Variants in MGAT4C observed in about 807,000 individuals in gnomAD.
MGAT4C encodes the protein MGAT4 family member C.
MGAT4C carries 19 observed loss-of-function variants against 40.1 expected under a neutral mutation model. That is an observed-to-expected ratio of 0.47 (90% CI 0.33 to 0.70). The LOEUF is 0.70. Ranked by LOEUF, MGAT4C falls within the 30% of genes least tolerant of loss-of-function variation. The probability of loss-of-function intolerance (pLI) is 0.02; values close to 1 mark genes in which losing one functional copy is unlikely to be tolerated. For missense variants in MGAT4C, 491 were observed against 563.2 expected (o/e 0.87, Z 1.30); for synonymous variants, 181 against 187.1 (o/e 0.97, Z 0.27).
At chr12:86,023,923 C>T (rs1193129754) in intron 2 of MGAT4C, among the ~76,000 whole-genome samples, 1 of 151,622 alleles carries the variant, frequency 6.6e-6, no homozygotes, top group East Asian at 1.9e-4. Flanking sequence ...TCTTCCTGAA[C>T]AAGCATAATA....
At chr12:86,592,364 TA>T (rs1321512581) in intron 2 of MGAT4C, among the ~76,000 whole-genome samples, 2 of 152,158 alleles carry the variant, frequency 1.3e-5, no homozygotes, top group Non-Finnish European at 2.9e-5. Context: ...GACTCAGTAC[TA>T]GAATGAGTAT....
intron 2 of MGAT4C, among the ~76,000 whole-genome samples, chr12:86,592,460 G>A (rs1394902780): frequency 6.6e-6 from 1 of 151,888 alleles, no homozygotes; most frequent in East Asian, 1.9e-4. Context: ...TGGTAAAAAC[G>A]TTAAGTTTCA....
chr12:86,365,682 G>GTT (rs568722124), intron 3 of MGAT4C, among the ~76,000 whole-genome samples: 13 of 135,780 alleles, frequency 9.6e-5, no homozygotes, highest in Admixed American at 2.3e-4. Flanking sequence ...TTTCCCCACT[G>GTT]TTTTTTTTTT....
At chr12:86,734,861 G>T (rs527586366) in intron 1 of MGAT4C, among the ~76,000 whole-genome samples, 2 of 152,204 alleles carry the variant, frequency 1.3e-5, no homozygotes, top group African/African-American at 2.4e-5. Flanking sequence ...GTAGCAAAAA[G>T]ATTATGTAGT....
intron 1 of MGAT4C, among the ~76,000 whole-genome samples, chr12:86,732,423 T>C (rs1254164964): frequency 6.6e-6 from 1 of 152,120 alleles, no homozygotes; most frequent in Non-Finnish European, 1.5e-5. Flanking sequence ...ATGAAATAAT[T>C]ATGTAACTCA....
intron 1 of MGAT4C, among the ~76,000 whole-genome samples, chr12:86,085,208 T>C (rs1178067359): frequency 1.3e-5 from 2 of 152,134 alleles, no homozygotes; most frequent in Non-Finnish European, 2.9e-5. Context: ...TTTAGTTTAA[T>C]TAGATCCCAT....
chr12:86,812,646 T>C (rs1490048636), intron 1 of MGAT4C, among the ~76,000 whole-genome samples: 2 of 152,154 alleles, frequency 1.3e-5, no homozygotes, highest in Admixed American at 1.3e-4. Flanking sequence ...TTATCTTTAA[T>C]GTTTTAAATA....
chr12:86,783,299 A>G (rs1951874824), intron 1 of MGAT4C, among the ~76,000 whole-genome samples: 2 of 152,204 alleles, frequency 1.3e-5, no homozygotes, highest in South Asian at 2.1e-4. Context: ...AGTTTGATTG[A>G]CAAAGGGAAA....
chr12:86,160,371 TA>T (rs1402524349), intron 1 of MGAT4C, among the ~76,000 whole-genome samples: 9 of 152,020 alleles, frequency 5.9e-5, no homozygotes, highest in Non-Finnish European at 1.3e-4. Context: ...GTATTGGGAA[TA>T]TTGTGTAGTA....
intron 1 of MGAT4C, among the ~76,000 whole-genome samples, chr12:86,774,287 CTT>C: frequency 4.2e-5 from 1 of 23,538 alleles, no homozygotes; most frequent in Non-Finnish European, 1.1e-4. Context: ...CTTGCTCTTT[CTT>C]TCTTTCTTTC....
chr12:86,491,522 T>A (rs1958134894), intron 2 of MGAT4C, among the ~76,000 whole-genome samples: 1 of 151,912 alleles, frequency 6.6e-6, no homozygotes, highest in African/African-American at 2.4e-5. Flanking sequence ...ATCCAGCATA[T>A]AAACAGAACC....
intron 1 of MGAT4C, among the ~76,000 whole-genome samples, chr12:86,149,399 T>C (rs976579447): frequency 2.0e-5 from 3 of 152,198 alleles, no homozygotes; most frequent in Non-Finnish European, 4.4e-5. Flanking sequence ...TGTACTTCAT[T>C]TTAACTTATG....
chr12:86,695,395 T>C (rs1950238287), intron 2 of MGAT4C, among the ~76,000 whole-genome samples: 1 of 152,184 alleles, frequency 6.6e-6, no homozygotes, highest in Non-Finnish European at 1.5e-5. Context: ...AGCTAACATA[T>C]GATCCAGCAA....
intron 1 of MGAT4C, among the ~76,000 whole-genome samples, chr12:86,837,653 C>A (rs540984294): frequency 2.6e-5 from 4 of 151,980 alleles, no homozygotes; most frequent in Non-Finnish European, 5.9e-5. Context: ...AAAACAGCAA[C>A]AATATGATAG....
intron 2 of MGAT4C, among the ~76,000 whole-genome samples, chr12:85,990,460 T>C (rs544550882): frequency 3.3e-5 from 5 of 152,264 alleles, no homozygotes; most frequent in African/African-American, 1.2e-4. Context: ...GTGTAATGGA[T>C]CTCCTTGGGT....
chr12:86,356,375 G>C (rs1027605227), intron 3 of MGAT4C, among the ~76,000 whole-genome samples: 1 of 152,130 alleles, frequency 6.6e-6, no homozygotes, highest in Admixed American at 6.5e-5. Context: ...TGGCCAAATA[G>C]GAAGAACTCC....
At chr12:86,811,224 T>A (rs1952465394) in intron 1 of MGAT4C, among the ~76,000 whole-genome samples, 1 of 151,430 alleles carries the variant, frequency 6.6e-6, no homozygotes, top group African/African-American at 2.4e-5. Flanking sequence ...AATTAATAAT[T>A]TCATTTTTAA....
In MGAT4C at chr12:86,423,847, C is replaced by A. The variant is rs189857359; in HGVS notation, c.-120+11310G>T. 2.2e-3 allele frequency among the ~76,000 whole-genome samples: 341 copies of A among 152,206 alleles called. 1 individual carries two copies. The highest frequency in any genetic ancestry group is 5.4e-3 in the South Asian group (26 of 4,830). The stretch of plus-strand genomic sequence containing the variant: ...ATAATGAGAAAGTAAAAATGAAGTT[C>A]TTGTTTTAAAAATGTATCTATTTAG... On this transcript the variant is annotated intron_variant, in intron 3 of 7. Coordinates refer to the MGAT4C transcript ENST00000548651.
intron 2 of MGAT4C, among the ~76,000 whole-genome samples, chr12:86,547,124 C>T (rs1405604633): frequency 6.6e-6 from 1 of 151,782 alleles, no homozygotes; most frequent in Non-Finnish European, 1.5e-5. Context: ...TTTTATTTTG[C>T]TATAAGAATT....
Sources: allele counts gnomAD v4.1 joint callset (sites outside exome capture counted in the v4.1 genomes callset), GRCh38; gene constraint gnomAD v4.1.1; transcripts MANE v1.5; gene names NCBI Gene and HGNC (gene_info 2026-07-23, HGNC 2026-07-21).